The following CES1 variants were observed in gnomAD, a reference collection of about 807,000 sequenced individuals.
CES1 encodes the protein carboxylesterase 1.
In CES1, 50 loss-of-function variants were observed where a neutral mutation model predicts 53.0. That is an observed-to-expected ratio of 0.94 (90% CI 0.75 to 1.19). The LOEUF is 1.19. Ranked by LOEUF, CES1 falls within the 50% of genes most tolerant of loss-of-function variation. The pLI, the probability that CES1 is intolerant of heterozygous loss-of-function variation, is 0.00. For missense variants in CES1, 534 were observed against 538.0 expected, an observed-to-expected ratio of 0.99 and a Z score of 0.07; for synonymous variants, 202 against 210.1, an observed-to-expected ratio of 0.96 and a Z score of 0.33.
At position 55,810,632 on chromosome 16, in the gene CES1, A is replaced by C; in HGVS notation, c.1203T>G (p.Thr401=). Residue 401 remains threonine (T), a synonymous_variant, in exon 11 of 14, where the codon ACT becomes ACG. Transcript: ENST00000360526. ...CGTCTGTTCCTCCTAAGTATTTCTC[A>C]GTGGCTTCTGGAATCAGTTCCTTAG... ...CIAKELIPEA[T]EKYLGGTDDT... 1 of 1,614,150 alleles carries C rather than the reference A, an allele frequency of 6.2e-7. No individual in the cohort carries two copies. The highest frequency in any genetic ancestry group is 1.3e-5 in the African/African-American group (1 of 75,014).
At position 55,819,604 on chromosome 16, in the gene CES1, G is replaced by A. The variant is rs369093241; in HGVS notation, c.837C>T (p.Thr279=). 8.7e-5 allele frequency: 141 copies of A among 1,614,140 alleles called. No homozygotes were observed. Among genetic ancestry groups the A allele is most frequent in the East Asian group, 6.0e-4 (27 of 44,892 alleles). The change falls in exon 7 of 14, where the codon ACC becomes ACT. Residue 279 remains threonine (T), a synonymous_variant. Coordinates refer to ENST00000360526, the MANE Select transcript of CES1 (RefSeq NM_001025195.2). ...IAITAGCKTT[T]SAVMVHCLRQ... Reference sequence around the variant, plus strand: ...GCAGGCAGTGAACCATGACAGCAGAGGTGGTGGTTTTGCACCCAGCAGTGA... The same window carrying A: ...GCAGGCAGTGAACCATGACAGCAGAAGTGGTGGTTTTGCACCCAGCAGTGA...
chr16:55,825,807 T>C (rs1429393675), intron 3 of CES1, among the ~76,000 whole-genome samples: 1 of 152,248 alleles, frequency 6.6e-6, no homozygotes, highest in Non-Finnish European at 1.5e-5. Flanking sequence ...CTCTAAGTTC[T>C]TTCCACCACT....
At chr16:55,823,274 G>A (rs535138527) in intron 4 of CES1, among the ~76,000 whole-genome samples, 1 of 152,282 alleles carries the variant, frequency 6.6e-6, no homozygotes, top group East Asian at 1.9e-4. Flanking sequence ...GAGTCTTTCA[G>A]TGGAGGTAAC....
At chr16:55,814,063 G>A (rs779506022) in intron 8 of CES1, among the ~76,000 whole-genome samples, 16 of 151,404 alleles carry the variant, frequency 1.1e-4, no homozygotes, top group Non-Finnish European at 1.9e-4. Flanking sequence ...CATGATTAAT[G>A]AGGAAGAGAT....
At chr16:55,808,957 G>A (rs1208746912) in intron 11 of CES1, among the ~76,000 whole-genome samples, 1 of 151,904 alleles carries the variant, frequency 6.6e-6, no homozygotes, top group African/African-American at 2.4e-5. Flanking sequence ...GTGATACATA[G>A]TTTCTTCTTT....
chr16:55,809,112 G>A (rs1302586491), intron 11 of CES1, among the ~76,000 whole-genome samples: 1,291 of 26,344 alleles, frequency 0.049, 6 homozygotes, highest in Non-Finnish European at 0.064. Flanking sequence ...AAAAAAAAAA[G>A]CCCTGAACTT....
intron 7 of CES1, among the ~76,000 whole-genome samples, chr16:55,818,463 T>C (rs1286756078): frequency 1.3e-5 from 2 of 152,182 alleles, no homozygotes; most frequent in Non-Finnish European, 2.9e-5. Flanking sequence ...ATGGGCACAA[T>C]GATCTGAAAG....
chr16:55,810,760 C>T (rs2031653975), intron 10 of CES1, 96 bp from the exon 11 acceptor site: 2 of 1,494,658 alleles, frequency 1.3e-6, no homozygotes, highest in African/African-American at 1.4e-5. Context: ...ACCCCATAAG[C>T]CCTGTGCAAC....
chr16:55,832,586 G>T (rs113868453), intron 1 of CES1, among the ~76,000 whole-genome samples: 198 of 150,382 alleles, frequency 1.3e-3, no homozygotes, highest in East Asian at 5.8e-3. Flanking sequence ...CTTGCCTAAG[G>T]ACACACAGCG....
chr16:55,827,034 T>C (rs2142350337), intron 2 of CES1, among the ~76,000 whole-genome samples: 1 of 152,246 alleles, frequency 6.6e-6, no homozygotes, highest in South Asian at 2.1e-4. Flanking sequence ...CTGACCAAGG[T>C]TACATAGCCA....
At chr16:55,813,851 G>GAAGAGGACACTTGTAAACATCA (rs1369008463) in intron 8 of CES1, among the ~76,000 whole-genome samples, 4 of 152,242 alleles carry the variant, frequency 2.6e-5, no homozygotes, top group Non-Finnish European at 5.9e-5. Context: ...AATAGACCGC[G>GAAGAGGACACTTGTAAACATCA]AAGAGGACAC....
intron 1 of CES1, 74 bp downstream of exon 1, chr16:55,832,930 C>T (rs2032740224): frequency 8.6e-6 from 11 of 1,273,150 alleles, no homozygotes; most frequent in East Asian, 2.4e-5. Context: ...TGCCTTTCTA[C>T]GCATCTGCGC....
At chr16:55,813,497 A>G (rs1194900434) in intron 8 of CES1, among the ~76,000 whole-genome samples, 3 of 151,992 alleles carry the variant, frequency 2.0e-5, no homozygotes, top group South Asian at 4.2e-4. Context: ...ATTTTCATCA[A>G]CCTTCTTTTA....
intron 8 of CES1, among the ~76,000 whole-genome samples, chr16:55,814,853 A>G (rs1447352448): frequency 1.4e-4 from 21 of 152,244 alleles, no homozygotes; most frequent in Admixed American, 1.4e-3. Context: ...GCTGGACAAG[A>G]TCAGATCCTA....
At chr16:55,821,225 C>T (rs1417497803) in intron 5 of CES1, 143 bp downstream of exon 5, 4 of 1,117,580 alleles carry the variant, frequency 3.6e-6, no homozygotes, top group South Asian at 1.3e-5. Context: ...CTTTCTACCC[C>T]CTGATGCTGG....
At chr16:55,830,297 AC>A (rs1391588084) in intron 1 of CES1, among the ~76,000 whole-genome samples, 1 of 152,160 alleles carries the variant, frequency 6.6e-6, no homozygotes, top group African/African-American at 2.4e-5. Context: ...TACAAATAAT[AC>A]TGAGATGAAC....
At chr16:55,813,586 C>G (rs2031799920) in intron 8 of CES1, among the ~76,000 whole-genome samples, 2 of 152,206 alleles carry the variant, frequency 1.3e-5, no homozygotes, top group African/African-American at 2.4e-5. Flanking sequence ...TCTATCACAG[C>G]CTCATGTATG....
chr16:55,830,814 G>GAAGT, intron 1 of CES1, among the ~76,000 whole-genome samples: 1 of 150,784 alleles, frequency 6.6e-6, no homozygotes. Flanking sequence ...AGGAAGGAAG[G>GAAGT]AAGGAAGGCA....
intron 9 of CES1, among the ~76,000 whole-genome samples, chr16:55,811,997 A>T (rs1477411711): frequency 6.6e-6 from 1 of 152,194 alleles, no homozygotes; most frequent in Admixed American, 6.5e-5. Flanking sequence ...TGGTCTAGTC[A>T]CATGAACCAA....
Sources: gnomAD v4.1 joint callset for allele counts (sites outside exome capture counted in the v4.1 genomes callset) on GRCh38, gnomAD v4.1.1 for gene constraint, MANE v1.5 for transcripts, NCBI Gene and HGNC (gene_info 2026-07-23, HGNC 2026-07-21) for gene names.